The following PTPN13 variants were observed in gnomAD, a reference collection of about 807,000 sequenced individuals.
PTPN13 encodes protein tyrosine phosphatase non-receptor type 13.
In PTPN13, 191 loss-of-function variants were observed where a neutral mutation model predicts 284.0. The observed-to-expected ratio is 0.67, with a 90% CI of 0.60 to 0.76. PTPN13 has a LOEUF of 0.76. Ranked by LOEUF, PTPN13 falls within the 30% of genes least tolerant of loss-of-function variation. PTPN13 has a pLI of 0.00. For missense variants in PTPN13, 2,797 were observed against 2,939.9 expected (o/e 0.95, Z 1.12); for synonymous variants, 986 against 1,022.3 (o/e 0.96, Z 0.68).
At chr4:86,649,977 C>T (rs150397552) in intron 2 of PTPN13, among the ~76,000 whole-genome samples, 1 of 152,022 alleles carries the variant, frequency 6.6e-6, no homozygotes, top group Non-Finnish European at 1.5e-5. Flanking sequence ...AACTTATTTT[C>T]ATCACTGTTT....
At chr4:86,797,637 A>T (rs9992507) in intron 41 of PTPN13, among the ~76,000 whole-genome samples, 2,348 of 152,238 alleles carry the variant, frequency 0.015, 74 homozygotes, top group African/African-American at 0.054. Flanking sequence ...CGTGACCCTA[A>T]ATGGAAATGT....
chr4:86,773,909 C>T (rs1004635014), intron 32 of PTPN13, among the ~76,000 whole-genome samples: 18 of 151,174 alleles, frequency 1.2e-4, no homozygotes, highest in African/African-American at 7.3e-5. Context: ...TGATAATCAC[C>T]GAAAGACTTC....
At chr4:86,787,103 CA>C (rs574178007) in intron 40 of PTPN13, among the ~76,000 whole-genome samples, 110 of 127,210 alleles carry the variant, frequency 8.6e-4, no homozygotes, top group Middle Eastern at 4.1e-3. Context: ...GACTCAGTCT[CA>C]AAAAAAAAAA....
intron 1 of PTPN13, among the ~76,000 whole-genome samples, chr4:86,619,174 T>G: frequency 6.6e-6 from 1 of 152,156 alleles, no homozygotes; most frequent in African/African-American, 2.4e-5. Context: ...TAGCCTACAG[T>G]GTACTGTATT....
intron 1 of PTPN13, among the ~76,000 whole-genome samples, chr4:86,601,570 C>T (rs1051762963): frequency 6.6e-6 from 1 of 151,974 alleles, no homozygotes; most frequent in East Asian, 1.9e-4. Context: ...AATATGGTTA[C>T]ATAATATATC....
At position 86,653,480 on chromosome 4, in the gene PTPN13, C is replaced by T. The variant is rs556180636; in HGVS notation, c.115+18109C>T. Among the ~76,000 whole-genome samples, 44 of 150,998 alleles carry T rather than the reference C, an allele frequency of 2.9e-4. No homozygotes were observed. The South Asian group carries it at 2.9e-3, about 10-fold the overall frequency. The stretch of plus-strand genomic sequence containing the variant: ...CAGCACTAGGGGGCGCCCTAAGCTC[C>T]GGAGCGCCTCAACTCTTTTTTTTTT... On this transcript the variant is annotated intron_variant, in intron 2 of 47. Coordinates refer to ENST00000411767, the MANE Select transcript of PTPN13 (RefSeq NM_080683.3).
At chr4:86,797,491 CA>C (rs70948800) in intron 41 of PTPN13, among the ~76,000 whole-genome samples, 73 of 136,402 alleles carry the variant, frequency 5.4e-4, no homozygotes, top group Admixed American at 6.6e-4. Flanking sequence ...GACTCTGTCT[CA>C]AAAAAAAAAA....
At chr4:86,621,892 C>A (rs1041647091) in intron 1 of PTPN13, among the ~76,000 whole-genome samples, 13 of 152,076 alleles carry the variant, frequency 8.5e-5, no homozygotes, top group Non-Finnish European at 1.5e-4. Context: ...CATCCTCCCT[C>A]CTAATAAAAG....
At chr4:86,758,441 A>T in intron 21 of PTPN13, 92 bp downstream of exon 21, 3 of 1,127,856 alleles carry the variant, frequency 2.7e-6, no homozygotes, top group Non-Finnish European at 3.9e-6. Context: ...GTGCCAGCTC[A>T]CTTCTGGTCT....
intron 7 of PTPN13, among the ~76,000 whole-genome samples, chr4:86,714,068 C>CA (rs33992132): frequency 0.037 from 4,052 of 108,834 alleles, 88 homozygotes; most frequent in African/African-American, 0.066. Flanking sequence ...TCTTCAGTGT[C>CA]AAAAAAAAAA....
chr4:86,779,104 A>G (rs934283423), intron 35 of PTPN13, among the ~76,000 whole-genome samples: 1 of 151,852 alleles, frequency 6.6e-6, no homozygotes, highest in African/African-American at 2.4e-5. Flanking sequence ...AACAGAGATA[A>G]TATTGGAGAT....
At chr4:86,750,351 C>A in intron 17 of PTPN13, 119 bp from the exon 18 acceptor site, 2 of 908,228 alleles carry the variant, frequency 2.2e-6, no homozygotes, top group Non-Finnish European at 3.4e-6. Flanking sequence ...TGAAAGCTAC[C>A]TACTTATGCT....
Position 86,721,597 on chromosome 4 carries a change from C to T in PTPN13, c.1386-615C>T, listed in dbSNP as rs1422513849. 3.3e-5 allele frequency among the ~76,000 whole-genome samples: 5 copies of T among 152,130 alleles called. No individual in the cohort carries two copies. In the East Asian group the frequency reaches 9.7e-4, roughly 29 times the overall value. On this transcript the variant is annotated intron_variant, in intron 9 of 47. Transcript: ENST00000411767. ...GTTTCATTACTAGAACAAGAGGCTC[C>T]TAACACCCAAGAGACTTCAAGGGTT...
intron 1 of PTPN13, among the ~76,000 whole-genome samples, chr4:86,616,814 C>A (rs1422364957): frequency 6.6e-6 from 1 of 152,118 alleles, no homozygotes; most frequent in Non-Finnish European, 1.5e-5. Context: ...AACCTCTTTT[C>A]TTTATGAATT....
chr4:86,676,415 T>A (rs1346081664), intron 3 of PTPN13, among the ~76,000 whole-genome samples: 1 of 152,252 alleles, frequency 6.6e-6, no homozygotes, highest in Non-Finnish European at 1.5e-5. Flanking sequence ...TTGGTGAGAA[T>A]GTAAAATTGT....
At chr4:86,757,803 T>A (rs1158345637) in intron 20 of PTPN13, among the ~76,000 whole-genome samples, 2 of 151,188 alleles carry the variant, frequency 1.3e-5, no homozygotes, top group Non-Finnish European at 2.9e-5. Flanking sequence ...GCTATTTTAC[T>A]CAAGAACTTA....
At chr4:86,738,944 G>A (rs940001014) in intron 15 of PTPN13, among the ~76,000 whole-genome samples, 1 of 152,228 alleles carries the variant, frequency 6.6e-6, no homozygotes, top group Admixed American at 6.5e-5. Context: ...GCCTCCCAAA[G>A]TGCTGAGATT....
At chr4:86,744,852 G>T (rs1034864288) in intron 16 of PTPN13, 114 bp from the exon 17 acceptor site, 2 of 789,414 alleles carry the variant, frequency 2.5e-6, no homozygotes, top group South Asian at 4.3e-5. Flanking sequence ...AGTGATGCAT[G>T]ACTATATAGG....
intron 17 of PTPN13, among the ~76,000 whole-genome samples, chr4:86,749,803 T>C (rs1578569348): frequency 6.6e-6 from 1 of 152,190 alleles, no homozygotes; most frequent in Non-Finnish European, 1.5e-5. Flanking sequence ...CTCTGTTGCC[T>C]CAGATAAATC....
Sources: gnomAD v4.1 joint callset for allele counts (sites outside exome capture counted in the v4.1 genomes callset) on GRCh38, gnomAD v4.1.1 for gene constraint, MANE v1.5 for transcripts, NCBI Gene and HGNC (gene_info 2026-07-23, HGNC 2026-07-21) for gene names.